Variants in PALM2AKAP2 observed in about 807,000 individuals in gnomAD.
PALM2AKAP2 encodes the protein PALM2-AKAP2 fusion protein.
PALM2AKAP2 carries 37 observed loss-of-function variants against 71.5 expected under a neutral mutation model. The ratio of observed to expected loss-of-function variants is 0.52; its 90% confidence interval spans 0.40 to 0.68. The LOEUF (loss-of-function observed/expected upper bound fraction) is 0.68, where lower values mean the gene tolerates loss of function less well. Ranked by LOEUF, PALM2AKAP2 falls within the 30% of genes least tolerant of loss-of-function variation. The pLI, the probability that PALM2AKAP2 is intolerant of heterozygous loss-of-function variation, is 0.00. For synonymous variants in PALM2AKAP2, 468 were observed against 478.8 expected (o/e 0.98, Z 0.29); for missense variants, 1,224 against 1,191.8 (o/e 1.03, Z -0.40).
chr9:110,125,033 G>A (rs1481016044), intron 1 of PALM2AKAP2, among the ~76,000 whole-genome samples: 1 of 151,990 alleles, frequency 6.6e-6, no homozygotes, highest in Non-Finnish European at 1.5e-5. Context: ...AATGTTCTGT[G>A]GTGAGCATTT....
At chr9:109,862,353 T>C (rs1478001618) in intron 1 of PALM2AKAP2, among the ~76,000 whole-genome samples, 2 of 152,216 alleles carry the variant, frequency 1.3e-5, no homozygotes, top group Non-Finnish European at 2.9e-5. Context: ...TCAAACAATG[T>C]AGTAGGACCC....
At chr9:109,714,372 T>C (rs966511910) in intron 1 of PALM2AKAP2, among the ~76,000 whole-genome samples, 1 of 152,220 alleles carries the variant, frequency 6.6e-6, no homozygotes, top group African/African-American at 2.4e-5. Flanking sequence ...CTGGGAGCTC[T>C]CATCACTCCA....
At chr9:110,006,324 C>CTCTTTCTTTCTTTCTT (rs201648047) in intron 6 of PALM2AKAP2, among the ~76,000 whole-genome samples, 9,575 of 102,086 alleles carry the variant, frequency 0.094, 661 homozygotes, top group East Asian at 0.11. Context: ...TTCCTTCCTT[C>CTCTTTCTTTCTTTCTT]TCTTTCTTTC....
intron 1 of PALM2AKAP2, among the ~76,000 whole-genome samples, chr9:109,796,210 AC>A (rs1827247906): frequency 6.6e-6 from 1 of 152,246 alleles, no homozygotes; most frequent in African/African-American, 2.4e-5. Context: ...TAAAAATATA[AC>A]CAATGAAATT....
At chr9:110,131,751 A>G (rs889059257) in intron 1 of PALM2AKAP2, among the ~76,000 whole-genome samples, 4 of 152,228 alleles carry the variant, frequency 2.6e-5, no homozygotes, top group African/African-American at 4.8e-5. Flanking sequence ...CCTCTGGTGC[A>G]TGATTGTGAA....
At chr9:109,769,060 T>G (rs1218388933) in intron 1 of PALM2AKAP2, among the ~76,000 whole-genome samples, 3 of 152,228 alleles carry the variant, frequency 2.0e-5, no homozygotes, top group Non-Finnish European at 4.4e-5. Context: ...AACTTTCAAG[T>G]TTTTACTTGC....
At chr9:109,812,427 A>T (rs1382704207) in intron 1 of PALM2AKAP2, among the ~76,000 whole-genome samples, 2 of 152,122 alleles carry the variant, frequency 1.3e-5, no homozygotes, top group African/African-American at 4.8e-5. Context: ...TTTGCACCAC[A>T]GTCTGGGCTG....
intron 1 of PALM2AKAP2, among the ~76,000 whole-genome samples, chr9:109,791,039 C>G (rs1194555724): frequency 6.6e-6 from 1 of 152,144 alleles, no homozygotes; most frequent in African/African-American, 2.4e-5. Flanking sequence ...CACCACAAAA[C>G]CCGAAGGATA....
At chr9:109,832,071 G>T (rs1353891038) in intron 1 of PALM2AKAP2, among the ~76,000 whole-genome samples, 1 of 152,110 alleles carries the variant, frequency 6.6e-6, no homozygotes, top group African/African-American at 2.4e-5. Context: ...TCACAGACAG[G>T]GAGGCAAGGG....
chr9:109,843,769 A>G (rs1267071227), intron 1 of PALM2AKAP2, among the ~76,000 whole-genome samples: 1 of 152,212 alleles, frequency 6.6e-6, no homozygotes, highest in Admixed American at 6.5e-5. Context: ...AGCTGGCAGC[A>G]CTACCTCGGC....
chr9:109,808,668 A>G (rs573196225), intron 1 of PALM2AKAP2, among the ~76,000 whole-genome samples: 3 of 152,396 alleles, frequency 2.0e-5, no homozygotes, highest in East Asian at 3.9e-4. Flanking sequence ...AGAAATTTGC[A>G]TAAGTAACAA....
chr9:110,043,858 T>C (rs1833548970), upstream of PALM2AKAP2, among the ~76,000 whole-genome samples: 1 of 151,378 alleles, frequency 6.6e-6, no homozygotes, highest in African/African-American at 2.4e-5. Flanking sequence ...GCAGCTGGGA[T>C]CACAAGCATG....
chr9:110,136,702 C>A (rs141137319), exon 2 of PALM2AKAP2: 1 of 1,614,086 alleles, frequency 6.2e-7, no homozygotes, highest in African/African-American at 1.3e-5. Context: ...GCCCCAGCTC[C>A]ACAACCAGCT....
intron 7 of PALM2AKAP2, among the ~76,000 whole-genome samples, chr9:110,024,657 A>C (rs1588064545): frequency 6.6e-6 from 1 of 151,930 alleles, no homozygotes. Context: ...GGTGGCATGC[A>C]TCTGTAGTCC....
chr9:109,881,118 A>G (rs1829838617), intron 3 of PALM2AKAP2, among the ~76,000 whole-genome samples: 1 of 152,164 alleles, frequency 6.6e-6, no homozygotes, highest in African/African-American at 2.4e-5. Flanking sequence ...TCTCACTTAT[A>G]AATGAGAACA....
intron 3 of PALM2AKAP2, among the ~76,000 whole-genome samples, chr9:109,898,910 A>G (rs1055520721): frequency 3.9e-5 from 6 of 152,100 alleles, no homozygotes; most frequent in Non-Finnish European, 7.4e-5. Flanking sequence ...AATGCTCCCT[A>G]TTTCTTCTTG....
intron 1 of PALM2AKAP2, among the ~76,000 whole-genome samples, chr9:109,790,754 A>T (rs115775761): frequency 0.015 from 2,360 of 152,290 alleles, 65 homozygotes; most frequent in African/African-American, 0.054. Flanking sequence ...GGCTGATATC[A>T]CGTGCTGTTT....
At chr9:109,971,780 C>T (rs1832074419) in intron 6 of PALM2AKAP2, among the ~76,000 whole-genome samples, 1 of 152,134 alleles carries the variant, frequency 6.6e-6, no homozygotes, top group Admixed American at 6.5e-5. Context: ...GCATTTAGAC[C>T]TTCCAAAATC....
chr9:109,826,768 G>A (rs1828160814), intron 1 of PALM2AKAP2, among the ~76,000 whole-genome samples: 1 of 152,138 alleles, frequency 6.6e-6, no homozygotes, highest in African/African-American at 2.4e-5. Context: ...GATGTGTCTG[G>A]CAGCACCTCT....
Sources: gnomAD v4.1 joint callset for allele counts (sites outside exome capture counted in the v4.1 genomes callset) on GRCh38, gnomAD v4.1.1 for gene constraint, MANE v1.5 for transcripts, NCBI Gene and HGNC (gene_info 2026-07-23, HGNC 2026-07-21) for gene names.